LPCAT2: variants seen among roughly 807,000 people sequenced by gnomAD.
LPCAT2 encodes 1-AGP acyltransferase 11.
LPCAT2 carries 58 observed loss-of-function variants against 64.7 expected under a neutral mutation model. That is an observed-to-expected ratio of 0.90 (90% CI 0.73 to 1.12). The LOEUF (loss-of-function observed/expected upper bound fraction) is 1.12, where lower values mean the gene tolerates loss of function less well. Ranked by LOEUF, LPCAT2 falls within the 50% of genes most tolerant of loss-of-function variation. LPCAT2 has a pLI of 0.00. For synonymous variants in LPCAT2, 252 were observed against 245.3 expected, an observed-to-expected ratio of 1.03 and a Z score of -0.26; for missense variants, 579 against 669.8, an observed-to-expected ratio of 0.86 and a Z score of 1.50.
chr16:55,551,702 G>A (rs1963520106), intron 11 of LPCAT2, among the ~76,000 whole-genome samples: 1 of 152,116 alleles, frequency 6.6e-6, no homozygotes, highest in Non-Finnish European at 1.5e-5. Context: ...TTAGATAATT[G>A]AACTGTCAAA....
chr16:55,574,492 T>C, intron 11 of LPCAT2, 139 bp from the exon 12 acceptor site: 1 of 649,986 alleles, frequency 1.5e-6, no homozygotes, highest in Middle Eastern at 2.5e-4. Flanking sequence ...TTGCTTGCTG[T>C]TCCTTCTTAG....
chr16:55,575,947 A>G (rs549160778), intron 12 of LPCAT2, among the ~76,000 whole-genome samples: 1 of 152,312 alleles, frequency 6.6e-6, no homozygotes, highest in East Asian at 1.9e-4. Flanking sequence ...AATTACACAC[A>G]TAGCTAACTT....
At chr16:55,549,237 T>TAAA (rs1555496863) in intron 9 of LPCAT2, 40 bp from the exon 10 acceptor site, 48 of 1,332,438 alleles carry the variant, frequency 3.6e-5, no homozygotes, top group Admixed American at 5.5e-5. Context: ...CTTTTTTTTT[T>TAAA]AAAAAAAATG....
intron 8 of LPCAT2, chr16:55,541,946 A>G (rs1963402740): frequency 2.4e-6 from 3 of 1,257,502 alleles, no homozygotes; most frequent in Non-Finnish European, 3.1e-6. Flanking sequence ...ACAAAGAACT[A>G]GAACTGCACA....
intron 11 of LPCAT2, among the ~76,000 whole-genome samples, chr16:55,560,716 C>G (rs1192184092): frequency 2.0e-5 from 3 of 151,916 alleles, no homozygotes; most frequent in African/African-American, 7.2e-5. Context: ...AGTTACATGC[C>G]CAAGGCCACA....
rs201247351 is a variant in LPCAT2, at chr16:55,567,129, C to T, written c.1216-7502C>T. 71 of 1,613,794 alleles carry T rather than the reference C, an allele frequency of 4.4e-5. No homozygotes were observed. In the African/African-American group the frequency reaches 6.8e-4, roughly 15 times the overall value. On this transcript the variant is annotated intron_variant, in intron 11 of 13. Coordinates refer to ENST00000262134, the MANE Select transcript of LPCAT2 (RefSeq NM_017839.5). ...TGACGGTTTTAGTCTTGACACCTGC[C>T]GGAGCATTGTGTCTGTCATGGACAG...
rs1203063934 is a variant in LPCAT2 at position 55,516,296 on chromosome 16, G to T, written c.171+6944G>T. Among the ~76,000 whole-genome samples, 4 of 152,186 alleles carry T rather than the reference G, an allele frequency of 2.6e-5. No homozygotes were observed. The East Asian group carries it at 7.7e-4, about 29-fold the overall frequency. On this transcript the variant is annotated intron_variant, in intron 1 of 13. Transcript: ENST00000262134. The stretch of plus-strand genomic sequence containing the variant: ...ATTTTTGTATTTTTTATAGAGATGG[G>T]ATCTCCCTATATTGCCCAGACTGGT...
At chr16:55,516,619 T>C (rs543131666) in intron 1 of LPCAT2, among the ~76,000 whole-genome samples, 1 of 152,230 alleles carries the variant, frequency 6.6e-6, no homozygotes, top group South Asian at 2.1e-4. Context: ...CATATATGCA[T>C]CTAGCAGCAG....
In LPCAT2 at chr16:55,545,744, G is replaced by C; in HGVS notation, c.862G>C (p.Val288Leu). ...FTKVEVEFMP[V>L]QVPNDEEKND... is the part of the protein sequence containing the mutation. ...TATATTTGTCTTTCAGTTTATGCCA[G>C]TTCAAGTACCAAATGATGAAGAAAA... Residue 288 changes from valine (V) to leucine (L), a missense_variant, in exon 9 of 14, where the codon GTT becomes CTT. By Grantham distance (32) the Val-to-Leu change is conservative. Coordinates refer to ENST00000262134, the MANE Select transcript of LPCAT2 (RefSeq NM_017839.5). 1 of 1,611,436 alleles carries C rather than the reference G, an allele frequency of 6.2e-7. No homozygotes were observed. Among genetic ancestry groups the C allele is most frequent in the South Asian group, 1.1e-5 (1 of 90,524 alleles).
At chr16:55,520,430 T>C (rs1444503667) in intron 1 of LPCAT2, among the ~76,000 whole-genome samples, 1 of 152,000 alleles carries the variant, frequency 6.6e-6, no homozygotes, top group Non-Finnish European at 1.5e-5. Flanking sequence ...TAATTGAGGA[T>C]GGTAACACAC....
intron 1 of LPCAT2, among the ~76,000 whole-genome samples, chr16:55,516,254 AC>A (rs1340001470): frequency 1.3e-5 from 2 of 149,508 alleles, no homozygotes; most frequent in East Asian, 3.9e-4. Flanking sequence ...ATAGGCATGC[AC>A]CACCACACCC....
chr16:55,552,978 G>C (rs1280762624), intron 11 of LPCAT2, among the ~76,000 whole-genome samples: 1 of 152,238 alleles, frequency 6.6e-6, no homozygotes, highest in Admixed American at 6.5e-5. Flanking sequence ...GCTCATGCCT[G>C]TAATCCCAGC....
intron 11 of LPCAT2, 70 bp downstream of exon 11, chr16:55,551,172 C>A: frequency 7.2e-7 from 1 of 1,380,010 alleles, no homozygotes; most frequent in Non-Finnish European, 9.7e-7. Flanking sequence ...ATATGGTAGG[C>A]AATTTGAAAA....
At chr16:55,544,775 C>G (rs534285730) in intron 8 of LPCAT2, among the ~76,000 whole-genome samples, 224 of 152,190 alleles carry the variant, frequency 1.5e-3, no homozygotes, top group African/African-American at 4.9e-3. Context: ...ACCTCTTGCT[C>G]TCATACTCCA....
intron 2 of LPCAT2, among the ~76,000 whole-genome samples, chr16:55,528,163 A>C (rs959089815): frequency 6.6e-6 from 1 of 152,210 alleles, no homozygotes; most frequent in Non-Finnish European, 1.5e-5. Context: ...TAGGCTGAGG[A>C]TTAAAGAGAT....
intron 11 of LPCAT2, among the ~76,000 whole-genome samples, chr16:55,559,312 G>C (rs1311630574): frequency 6.6e-6 from 1 of 152,204 alleles, no homozygotes; most frequent in Non-Finnish European, 1.5e-5. Flanking sequence ...GACAGGAAAA[G>C]TTTGTGTATA....
At chr16:55,520,369 G>T (rs879182192) in intron 1 of LPCAT2, among the ~76,000 whole-genome samples, 1 of 152,002 alleles carries the variant, frequency 6.6e-6, no homozygotes, top group Admixed American at 6.5e-5. Flanking sequence ...TCAGAACTTT[G>T]AAAACATGAA....
chr16:55,569,425 A>G (rs1049961804), intron 11 of LPCAT2, among the ~76,000 whole-genome samples: 1 of 152,216 alleles, frequency 6.6e-6, no homozygotes, highest in African/African-American at 2.4e-5. Flanking sequence ...TATGTTAGGC[A>G]TGGATGTAGT....
rs1246289607 is a variant in LPCAT2 at position 55,550,945 on chromosome 16, TTAG to T, written c.1062-3_1062-1del. ...CATGTATCTATAATTCTTTGTTTGT[TTAG>T]ATTAGATTGGGATGGTGTTCGTAAG... On this transcript the variant is annotated splice_acceptor_variant and splice_polypyrimidine_tract_variant and intron_variant, in intron 10 of 13. Transcript: ENST00000262134. LOFTEE classifies it high-confidence loss of function. 5 of 1,576,678 alleles carry T rather than the reference TTAG, an allele frequency of 3.2e-6. No homozygotes were observed. The highest frequency in any genetic ancestry group is 4.3e-6 in the Non-Finnish European group (5 of 1,155,594).
Sources: allele counts gnomAD v4.1 joint callset (sites outside exome capture counted in the v4.1 genomes callset), GRCh38; gene constraint gnomAD v4.1.1; transcripts MANE v1.5; gene names NCBI Gene and HGNC (gene_info 2026-07-23, HGNC 2026-07-21).